The following NSMCE2 variants were observed in gnomAD, a reference collection of about 807,000 sequenced individuals.
NSMCE2 encodes NSE2 SUMO ligase component of SMC5/6 complex.
NSMCE2 carries 24 observed loss-of-function variants against 23.8 expected under a neutral mutation model. That is an observed-to-expected ratio of 1.01 (90% CI 0.73 to 1.42). The LOEUF (loss-of-function observed/expected upper bound fraction) is 1.42. Among genes scored for constraint, NSMCE2 ranks in the 40% most tolerant of loss-of-function variants. The probability of loss-of-function intolerance (pLI) is 0.00; values close to 1 mark genes in which losing one functional copy is unlikely to be tolerated. For missense variants in NSMCE2, 284 were observed against 296.5 expected (o/e 0.96, Z 0.31); for synonymous variants, 92 against 94.1 (o/e 0.98, Z 0.13).
chr8:125,153,139 A>G (rs1032243348), intron 4 of NSMCE2, among the ~76,000 whole-genome samples: 1 of 152,004 alleles, frequency 6.6e-6, no homozygotes, highest in African/African-American at 2.4e-5. Flanking sequence ...AAAGTTTAAA[A>G]CTTCTCACTC....
intron 5 of NSMCE2, among the ~76,000 whole-genome samples, chr8:125,272,621 C>T (rs1262945160): frequency 6.8e-6 from 1 of 147,836 alleles, no homozygotes; most frequent in Non-Finnish European, 1.5e-5. Flanking sequence ...TGTAGTATAA[C>T]CTTAACACTT....
At chr8:125,351,423 G>A (rs1006496066) in intron 5 of NSMCE2, 1 of 151,920 alleles carries the variant, frequency 6.6e-6, no homozygotes, top group African/African-American at 2.4e-5. Context: ...CGCTGTAAAT[G>A]TTAGTTCTTG....
At chr8:125,249,035 G>T (rs1043106345) in intron 5 of NSMCE2, among the ~76,000 whole-genome samples, 1 of 152,152 alleles carries the variant, frequency 6.6e-6, no homozygotes, top group African/African-American at 2.4e-5. Flanking sequence ...GCCGAGTATG[G>T]TGGCACATGC....
chr8:125,145,544 G>A (rs938099154), intron 3 of NSMCE2, among the ~76,000 whole-genome samples: 31 of 151,934 alleles, frequency 2.0e-4, no homozygotes, highest in Admixed American at 5.2e-4. Flanking sequence ...ATATCACTTA[G>A]GTTCATTTGA....
chr8:125,246,191 T>A (rs1485014616), intron 5 of NSMCE2, among the ~76,000 whole-genome samples: 4 of 152,022 alleles, frequency 2.6e-5, no homozygotes, highest in Admixed American at 2.6e-4. Flanking sequence ...CTTTTTCTTT[T>A]TTTTTTGAGA....
At chr8:125,120,293 A>G (rs187739120) in intron 3 of NSMCE2, among the ~76,000 whole-genome samples, 1 of 152,258 alleles carries the variant, frequency 6.6e-6, no homozygotes, top group Non-Finnish European at 1.5e-5. Context: ...ATCAATCATC[A>G]TGTAACATTT....
chr8:125,323,299 T>C (rs1168496713), intron 5 of NSMCE2, among the ~76,000 whole-genome samples: 2 of 152,162 alleles, frequency 1.3e-5, no homozygotes, highest in Non-Finnish European at 2.9e-5. Context: ...ATTGACGAGA[T>C]TATTCTGAAA....
intron 5 of NSMCE2, among the ~76,000 whole-genome samples, chr8:125,217,096 A>C (rs1824622456): frequency 6.6e-6 from 1 of 152,212 alleles, no homozygotes; most frequent in African/African-American, 2.4e-5. Context: ...TAGGAAATAA[A>C]GATTCCATAA....
At chr8:125,347,119 A>T (rs1044023416) in intron 5 of NSMCE2, among the ~76,000 whole-genome samples, 6 of 152,286 alleles carry the variant, frequency 3.9e-5, no homozygotes, top group South Asian at 4.2e-4. Context: ...TTCATACATT[A>T]ACTCACTTAA....
At chr8:125,257,565 G>C (rs564436159) in intron 5 of NSMCE2, among the ~76,000 whole-genome samples, 1 of 116,708 alleles carries the variant, frequency 8.6e-6, no homozygotes. Flanking sequence ...ACGGAGTCTC[G>C]CTCTGTCGCC....
At chr8:125,171,839 G>T (rs1384365054) in intron 4 of NSMCE2, among the ~76,000 whole-genome samples, 1 of 152,184 alleles carries the variant, frequency 6.6e-6, no homozygotes, top group East Asian at 1.9e-4. Context: ...GCCTCTTCCT[G>T]CAGTGATGGA....
intron 5 of NSMCE2, among the ~76,000 whole-genome samples, chr8:125,206,308 T>C (rs1824116413): frequency 6.6e-6 from 1 of 152,242 alleles, no homozygotes. Flanking sequence ...GAGTTACTTG[T>C]TGCCTTGAAT....
Position 125,301,965 on chromosome 8 carries a change from A to AT in NSMCE2, c.419-55242dup, listed in dbSNP as rs568309394. Among the ~76,000 whole-genome samples, 1,045 of 143,280 alleles carry AT rather than the reference A, an allele frequency of 7.3e-3. 12 individuals are homozygous for AT. The highest frequency in any genetic ancestry group is 0.034 in the Admixed American group (497 of 14,418). The allele number at this position is 143,280 out of a possible 152,430, so 94.0% of individuals were successfully genotyped here. ...GGCATGAGCCACCGCACCTGCCCCA[A>AT]TTTTTTTTTTTTGAGACCGAGTCTC... On this transcript the variant is annotated intron_variant, in intron 5 of 7. Coordinates refer to ENST00000287437, the MANE Select transcript of NSMCE2 (RefSeq NM_173685.4).
At chr8:125,141,321 A>T (rs1820364298) in intron 3 of NSMCE2, among the ~76,000 whole-genome samples, 1 of 152,196 alleles carries the variant, frequency 6.6e-6, no homozygotes. Flanking sequence ...CCTTTAGTAC[A>T]GAACAGATTA....
intron 5 of NSMCE2, among the ~76,000 whole-genome samples, chr8:125,331,588 C>CTTT (rs35463931): frequency 1.4e-5 from 2 of 147,560 alleles, no homozygotes; most frequent in African/African-American, 5.0e-5. Context: ...TAAAAACGAT[C>CTTT]TTTTTTTTTT....
Position 125,357,729 on chromosome 8 carries a change from A to C in NSMCE2, c.537A>C (p.Pro179=), listed in dbSNP as rs565765358. Residue 179 remains proline (P), a synonymous_variant, in exon 7 of 8, where the codon CCA becomes CCC. Transcript: ENST00000287437. ...GATTACAGGAGGAAATGAAGAAGCC[A>C]GTGAAAAATAAAGTGTGTGGCCACA... is the stretch of plus-strand genomic sequence containing the variant. The part of the protein sequence containing the change: ...CPITKEEMKK[P]VKNKVCGHTY... 8 of 1,613,234 alleles carry C rather than the reference A, an allele frequency of 5.0e-6. No homozygotes were observed. In the South Asian group the frequency reaches 8.8e-5, roughly 18 times the overall value.
intron 5 of NSMCE2, among the ~76,000 whole-genome samples, chr8:125,226,004 C>T (rs1825075754): frequency 6.6e-6 from 1 of 152,202 alleles, no homozygotes. Context: ...CCACTTAGCA[C>T]CTGCGTATAT....
At chr8:125,196,821 G>A (rs916642036) in intron 5 of NSMCE2, among the ~76,000 whole-genome samples, 23 of 152,144 alleles carry the variant, frequency 1.5e-4, no homozygotes, top group Non-Finnish European at 2.2e-4. Context: ...ACCATCAACA[G>A]TGTAAAAGCA....
chr8:125,104,375 G>A (rs919383920), intron 3 of NSMCE2, among the ~76,000 whole-genome samples: 2 of 152,162 alleles, frequency 1.3e-5, no homozygotes. Flanking sequence ...TAGGCTTATC[G>A]TTAAGCTTTG....
Sources: gnomAD v4.1 joint callset for allele counts (sites outside exome capture counted in the v4.1 genomes callset) on GRCh38, gnomAD v4.1.1 for gene constraint, MANE v1.5 for transcripts, NCBI Gene and HGNC (gene_info 2026-07-23, HGNC 2026-07-21) for gene names.